Variants in TET1 observed in about 807,000 individuals in gnomAD.
TET1 encodes methylcytosine dioxygenase TET1.
A neutral mutation model predicts 148.7 loss-of-function variants in TET1; 13 were observed. That is an observed-to-expected ratio of 0.09 (90% confidence interval 0.06 to 0.14). TET1 has a LOEUF of 0.14. Ranked by LOEUF, TET1 falls within the 10% of genes least tolerant of loss-of-function variation. The pLI, the probability that TET1 is intolerant of heterozygous loss-of-function variation, is 1.00. For missense variants in TET1, 2,182 were observed against 2,553.8 expected, an observed-to-expected ratio of 0.85 and a Z score of 3.14; for synonymous variants, 907 against 937.2, an observed-to-expected ratio of 0.97 and a Z score of 0.59.
chr10:68,666,682 T>C (rs1340982822), intron 6 of TET1, among the ~76,000 whole-genome samples: 3 of 152,202 alleles, frequency 2.0e-5, no homozygotes, highest in Non-Finnish European at 4.4e-5. Flanking sequence ...CTGTTGTTTG[T>C]TAGTCATATA....
At chr10:68,588,489 T>G (rs533159277) in intron 2 of TET1, among the ~76,000 whole-genome samples, 5 of 152,204 alleles carry the variant, frequency 3.3e-5, no homozygotes, top group African/African-American at 1.2e-4. Context: ...GTGTTCATTT[T>G]AGTCACCATA....
chr10:68,690,123 T>C (rs1349418957), intron 11 of TET1, among the ~76,000 whole-genome samples: 2 of 152,228 alleles, frequency 1.3e-5, no homozygotes, highest in East Asian at 3.8e-4. Context: ...TAAATATCTT[T>C]GAATAGTTAA....
chr10:68,660,164 C>T (rs763737869), intron 6 of TET1, among the ~76,000 whole-genome samples: 4 of 152,074 alleles, frequency 2.6e-5, no homozygotes, highest in Non-Finnish European at 4.4e-5. Flanking sequence ...TGTGCACTGA[C>T]GAATCACCCT....
intron 3 of TET1, among the ~76,000 whole-genome samples, chr10:68,624,359 G>C (rs1487758336): frequency 6.6e-6 from 1 of 151,722 alleles, no homozygotes; most frequent in Non-Finnish European, 1.5e-5. Context: ...GCGCTATCTT[G>C]GCTCACCGCA....
At chr10:68,613,524 C>T (rs990080400) in intron 3 of TET1, among the ~76,000 whole-genome samples, 2 of 152,084 alleles carry the variant, frequency 1.3e-5, no homozygotes, top group African/African-American at 4.8e-5. Flanking sequence ...CTGCTGCATC[C>T]ACCCCAGTGG....
chr10:68,624,818 G>C (rs111959447), intron 3 of TET1, among the ~76,000 whole-genome samples: 45,685 of 147,626 alleles, frequency 0.31, 7,806 homozygotes, highest in Middle Eastern at 0.39. Flanking sequence ...TGCAAGCTCC[G>C]CCTTCCGGGT....
chr10:68,672,655 C>T (rs1192095221), intron 7 of TET1, among the ~76,000 whole-genome samples: 1 of 151,796 alleles, frequency 6.6e-6, no homozygotes, highest in African/African-American at 2.4e-5. Flanking sequence ...AATATTTCTG[C>T]TAAAAATTTG....
chr10:68,624,602 C>CTCTT (rs771481993), intron 3 of TET1, among the ~76,000 whole-genome samples: 37 of 113,946 alleles, frequency 3.2e-4, no homozygotes, highest in Admixed American at 4.8e-4. Context: ...TTTTCTTTTT[C>CTCTT]TCTTTCTTTC....
intron 6 of TET1, among the ~76,000 whole-genome samples, chr10:68,654,403 G>T (rs1320420203): frequency 6.6e-6 from 1 of 152,096 alleles, no homozygotes; most frequent in Non-Finnish European, 1.5e-5. Flanking sequence ...ATCACCAGAG[G>T]TCAGGAGATC....
intron 6 of TET1, 84 bp from the exon 7 acceptor site, chr10:68,666,961 C>A: frequency 8.7e-7 from 1 of 1,149,580 alleles, no homozygotes; most frequent in Non-Finnish European, 1.2e-6. Context: ...AAAATATAAT[C>A]ATGGAGAACA....
chr10:68,623,764 T>C (rs1433074084), intron 3 of TET1, among the ~76,000 whole-genome samples: 1 of 152,180 alleles, frequency 6.6e-6, no homozygotes, highest in Non-Finnish European at 1.5e-5. Flanking sequence ...ACCACACTCA[T>C]TTAGCTGAGG....
intron 3 of TET1, among the ~76,000 whole-genome samples, chr10:68,603,132 G>A (rs982407829): frequency 3.3e-5 from 5 of 152,136 alleles, no homozygotes; most frequent in African/African-American, 1.2e-4. Flanking sequence ...CCAGTGATGG[G>A]AATCTCACAG....
chr10:68,603,964 G>T (rs930820254), intron 3 of TET1, among the ~76,000 whole-genome samples: 1 of 152,128 alleles, frequency 6.6e-6, no homozygotes, highest in African/African-American at 2.4e-5. Flanking sequence ...GGTGGGTGGG[G>T]GTAGCTCAGC....
chr10:68,684,851 C>A (rs901880814), intron 10 of TET1, among the ~76,000 whole-genome samples: 1 of 152,132 alleles, frequency 6.6e-6, no homozygotes, highest in African/African-American at 2.4e-5. Flanking sequence ...CCTTCTTAGT[C>A]TCTCTGTGAC....
At position 68,574,230 on chromosome 10, in the gene TET1, C is replaced by T. The variant is rs1480801672; in HGVS notation, c.1892C>T (p.Pro631Leu). 1 of 1,612,252 alleles carries T rather than the reference C, an allele frequency of 6.2e-7. No homozygotes were observed. The highest frequency in any genetic ancestry group is 8.5e-7 in the Non-Finnish European group (1 of 1,179,770). Residue 631 changes from proline (P) to leucine (L), a missense_variant, in exon 2 of 12, where the codon CCA (proline) becomes CTA (leucine). Coordinates refer to ENST00000373644, the MANE Select transcript of TET1 (RefSeq NM_030625.3). The stretch of plus-strand genomic sequence containing the variant: ...AAATGTGAGGAGCTGAAAAAGAAAC[C>T]ATCTGTTGTTGTGCCTCTGGAGGTA... ...KRKCEELKKK[P>L]SVVVPLEVIK...
chr10:68,590,852 T>TTCTTCTCTTTTC (rs2053910836), intron 2 of TET1, among the ~76,000 whole-genome samples: 1 of 147,926 alleles, frequency 6.8e-6, no homozygotes, highest in Non-Finnish European at 1.5e-5. Context: ...TTTTCTTTTT[T>TTCTTCTCTTTTC]TCTTCTCTTT....
intron 2 of TET1, among the ~76,000 whole-genome samples, chr10:68,584,390 T>C (rs1272027170): frequency 6.6e-6 from 1 of 151,640 alleles, no homozygotes; most frequent in Non-Finnish European, 1.5e-5. Context: ...CTATTTTTCA[T>C]ATGACAATGT....
chr10:68,565,190 A>AT (rs1475566528), intron 1 of TET1, among the ~76,000 whole-genome samples: 4 of 152,062 alleles, frequency 2.6e-5, no homozygotes, highest in Non-Finnish European at 5.9e-5. Flanking sequence ...GAAAATACAC[A>AT]TTTTTTCTGG....
intron 10 of TET1, 134 bp downstream of exon 10, chr10:68,683,107 A>C (rs1251548727): frequency 4.8e-6 from 5 of 1,037,046 alleles, no homozygotes; most frequent in Non-Finnish European, 6.5e-6. Context: ...GTGGAAAATA[A>C]AGTGAAAAAA....
Sources: gnomAD v4.1 joint callset for allele counts (sites outside exome capture counted in the v4.1 genomes callset) on GRCh38, gnomAD v4.1.1 for gene constraint, MANE v1.5 for transcripts, NCBI Gene and HGNC (gene_info 2026-07-23, HGNC 2026-07-21) for gene names.